NRXN1: variants seen among roughly 807,000 people sequenced by gnomAD.
The protein encoded by NRXN1 is neurexin 1.
In NRXN1, 39 loss-of-function variants were observed where a neutral mutation model predicts 150.9. That is an observed-to-expected ratio of 0.26 (90% CI 0.20 to 0.34). The LOEUF is 0.34. NRXN1 is among the 10% of genes least tolerant of loss of function. NRXN1 has a pLI of 1.00. For missense variants in NRXN1, 1,815 were observed against 1,949.9 expected, an observed-to-expected ratio of 0.93 and a Z score of 1.30; for synonymous variants, 924 against 757.0, an observed-to-expected ratio of 1.22 and a Z score of -3.62.
At chr2:50,097,308 T>C (rs1351592522) in intron 18 of NRXN1, among the ~76,000 whole-genome samples, 1 of 152,198 alleles carries the variant, frequency 6.6e-6, no homozygotes, top group Non-Finnish European at 1.5e-5. Context: ...TCATGCACCA[T>C]AGTACAGTCC....
At chr2:50,525,865 A>G (rs1033614853) in intron 12 of NRXN1, among the ~76,000 whole-genome samples, 3 of 152,186 alleles carry the variant, frequency 2.0e-5, no homozygotes, top group Admixed American at 2.0e-4. Flanking sequence ...TGGAATTCAG[A>G]TCTGGCCTTT....
chr2:51,012,277 T>G (rs934269559), intron 2 of NRXN1, among the ~76,000 whole-genome samples: 3 of 152,044 alleles, frequency 2.0e-5, no homozygotes, highest in Non-Finnish European at 2.9e-5. Flanking sequence ...TGCAAACTGT[T>G]TTATTTTGAT....
At chr2:50,150,348 A>G (rs1273064906) in intron 18 of NRXN1, among the ~76,000 whole-genome samples, 1 of 151,826 alleles carries the variant, frequency 6.6e-6, no homozygotes, top group Non-Finnish European at 1.5e-5. Context: ...TAAAGACAGC[A>G]CAGTCCACAT....
chr2:50,884,143 A>C (rs1679871322), intron 5 of NRXN1, among the ~76,000 whole-genome samples: 1 of 151,816 alleles, frequency 6.6e-6, no homozygotes, highest in Non-Finnish European at 1.5e-5. Flanking sequence ...TTTCTGCAGC[A>C]GACAAGAAAT....
At chr2:50,912,488 C>T (rs1211923207) in intron 5 of NRXN1, among the ~76,000 whole-genome samples, 1 of 151,912 alleles carries the variant, frequency 6.6e-6, no homozygotes, top group Non-Finnish European at 1.5e-5. Context: ...GAAAGTGCCA[C>T]ATATTTTTAA....
chr2:50,929,750 C>A (rs1334516563), intron 2 of NRXN1, among the ~76,000 whole-genome samples: 1 of 152,090 alleles, frequency 6.6e-6, no homozygotes, highest in Non-Finnish European at 1.5e-5. Context: ...CTTCTCAAGC[C>A]TGTACTCCTC....
chr2:50,392,461 T>C (rs1269219492), intron 17 of NRXN1, among the ~76,000 whole-genome samples: 1 of 152,160 alleles, frequency 6.6e-6, no homozygotes. Flanking sequence ...TGTCAATGCA[T>C]TTAAGTCATG....
chr2:50,834,487 T>TA (rs916383781), intron 5 of NRXN1, among the ~76,000 whole-genome samples: 2 of 152,132 alleles, frequency 1.3e-5, no homozygotes, highest in Non-Finnish European at 2.9e-5. Context: ...AGTGGCTTTT[T>TA]AACTAAGGTG....
chr2:50,884,244 ATATTGTTTGGTAAATG>A (rs1679890026), intron 5 of NRXN1, among the ~76,000 whole-genome samples: 1 of 151,852 alleles, frequency 6.6e-6, no homozygotes, highest in African/African-American at 2.4e-5. Context: ...ATAAATGGAC[ATATTGTTTGGTAAATG>A]TTATTTTCTC....
chr2:50,487,801 C>T (rs1449503698), intron 15 of NRXN1, among the ~76,000 whole-genome samples: 1 of 152,208 alleles, frequency 6.6e-6, no homozygotes, highest in Non-Finnish European at 1.5e-5. Context: ...AGATGTCAGC[C>T]TGGGCCCCTT....
At chr2:50,902,117 C>T (rs1381720668) in intron 5 of NRXN1, among the ~76,000 whole-genome samples, 6 of 151,954 alleles carry the variant, frequency 3.9e-5, no homozygotes, top group African/African-American at 1.2e-4. Context: ...CCTCAATTGG[C>T]CATTGAGAAG....
intron 5 of NRXN1, among the ~76,000 whole-genome samples, chr2:50,706,190 T>A (rs568454193): frequency 6.6e-6 from 1 of 152,182 alleles, no homozygotes; most frequent in Non-Finnish European, 1.5e-5. Flanking sequence ...TACATCTTTG[T>A]CAATCCTTCA....
chr2:50,015,516 CAAAAAAA>C (rs34466037), intron 21 of NRXN1, among the ~76,000 whole-genome samples: 216 of 31,326 alleles, frequency 6.9e-3, no homozygotes, highest in African/African-American at 0.023. Flanking sequence ...GGATTTCTGC[CAAAAAAA>C]AAAAAAAAAA....
At position 50,237,113 on chromosome 2, in the gene NRXN1, G is replaced by T. The variant is rs1246105778; in HGVS notation, c.3365-143C>A. 6 of 872,242 alleles carry T rather than the reference G, an allele frequency of 6.9e-6. No individual in the cohort carries two copies. The Admixed American group carries it at 1.2e-4, about 18-fold the overall frequency. The allele number at this position is 872,242 out of a possible 1,614,324, so 54.0% of individuals were successfully genotyped here. A position where few individuals can be genotyped will look rare whatever the true frequency, so the allele number is the denominator to read the frequency against. On this transcript the variant is annotated intron_variant, in intron 17 of 22. Coordinates refer to ENST00000401669, the MANE Select transcript of NRXN1 (RefSeq NM_001330078.2). Reference sequence around the variant, plus strand: ...TAAATCATAGATTTCAATCAAATGTGCTCAAGAAAGTGGACCAAGTTGTTT... The same window carrying T: ...TAAATCATAGATTTCAATCAAATGTTCTCAAGAAAGTGGACCAAGTTGTTT...
intron 2 of NRXN1, among the ~76,000 whole-genome samples, chr2:50,949,380 T>C (rs1690925255): frequency 6.6e-6 from 1 of 152,024 alleles, no homozygotes; most frequent in African/African-American, 2.4e-5. Flanking sequence ...AGTCAGATAA[T>C]GGCATCAAGA....
At chr2:49,989,494 G>C (rs191364187) in intron 21 of NRXN1, among the ~76,000 whole-genome samples, 1 of 152,226 alleles carries the variant, frequency 6.6e-6, no homozygotes, top group East Asian at 1.9e-4. Context: ...AGACCATGAG[G>C]AGCATACCTT....
chr2:49,995,488 G>C (rs17492991), intron 21 of NRXN1, among the ~76,000 whole-genome samples: 24,959 of 151,984 alleles, frequency 0.16, 2,633 homozygotes, highest in Middle Eastern at 0.23. Context: ...AGACCTTAAA[G>C]ATAGGAAAAG....
At chr2:50,736,512 C>G (rs940973929) in intron 5 of NRXN1, among the ~76,000 whole-genome samples, 2 of 152,144 alleles carry the variant, frequency 1.3e-5, no homozygotes, top group Non-Finnish European at 2.9e-5. Flanking sequence ...CCCATAATTC[C>G]CATCTGTTAT....
intron 17 of NRXN1, among the ~76,000 whole-genome samples, chr2:50,413,603 C>G (rs2083337555): frequency 6.6e-6 from 1 of 152,060 alleles, no homozygotes; most frequent in Non-Finnish European, 1.5e-5. Flanking sequence ...TTAGTACAAC[C>G]ACTATAGAGA....
Sources: gnomAD v4.1 joint callset for allele counts (sites outside exome capture counted in the v4.1 genomes callset) on GRCh38, gnomAD v4.1.1 for gene constraint, MANE v1.5 for transcripts, NCBI Gene and HGNC (gene_info 2026-07-23, HGNC 2026-07-21) for gene names.